CADPS: variants seen among roughly 807,000 people sequenced by gnomAD.
CADPS encodes calcium dependent secretion activator, also known as calcium-dependent secretion activator 1.
In CADPS, 57 loss-of-function variants were observed where a neutral mutation model predicts 167.3. That is an observed-to-expected ratio of 0.34 (90% CI 0.28 to 0.42). The LOEUF is 0.42. Among genes scored for constraint, CADPS ranks in the 20% least tolerant of loss-of-function variants. CADPS has a pLI of 1.00. For synonymous variants in CADPS, 676 were observed against 635.3 expected, an observed-to-expected ratio of 1.06 and a Z score of -0.96; for missense variants, 1,414 against 1,738.1, an observed-to-expected ratio of 0.81 and a Z score of 3.32.
At position 62,650,870 on chromosome 3, in the gene CADPS, C is replaced by T. The variant is rs759206961; in HGVS notation, c.1180G>A (p.Val394Ile). Reference protein sequence around the residue: ...ESENQLSKSDVVLSFSLEVVI... With the variant: ...ESENQLSKSDIVLSFSLEVVI... ...ACCTCCAATGAGAAAGACAGCACGA[C>T]ATCTGACTTGGAGAGCTGGTTCTCA... The change falls in exon 5 of 30, where the codon GTC (valine) becomes ATC (isoleucine). Residue 394 changes from valine (V) to isoleucine (I), a missense_variant. By Grantham distance (29) the Val-to-Ile change is conservative (BLOSUM62 3). Around this residue, in one of 6 missense-constraint regions of CADPS, gnomAD observed 522 missense variants for 559.5 expected, o/e 0.93. Coordinates refer to ENST00000383710, the MANE Select transcript of CADPS (RefSeq NM_003716.4). 6.2e-7 allele frequency: 1 copy of T among 1,613,972 alleles called. No individual in the cohort carries two copies. The highest frequency in any genetic ancestry group is 1.7e-5 in the Admixed American group (1 of 60,010).
intron 4 of CADPS, among the ~76,000 whole-genome samples, chr3:62,660,457 C>T (rs1159089204): frequency 2.6e-5 from 4 of 152,158 alleles, no homozygotes; most frequent in East Asian, 1.9e-4. Context: ...AATCCATAAG[C>T]GCATACTATT....
intron 3 of CADPS, among the ~76,000 whole-genome samples, chr3:62,667,378 G>A (rs189163345): frequency 6.6e-6 from 1 of 151,914 alleles, no homozygotes; most frequent in Admixed American, 6.6e-5. Context: ...CCTGTGTTCT[G>A]ATCCTTAGTT....
At chr3:62,645,653 G>A in intron 6 of CADPS, 69 bp downstream of exon 6, 1 of 1,548,582 alleles carries the variant, frequency 6.5e-7, no homozygotes, top group Non-Finnish European at 8.8e-7. Flanking sequence ...TCTTTACCTT[G>A]GAGTTGGCCA....
intron 1 of CADPS, among the ~76,000 whole-genome samples, chr3:62,807,137 A>G (rs2094141284): frequency 6.6e-6 from 1 of 152,214 alleles, no homozygotes; most frequent in African/African-American, 2.4e-5. Context: ...TTTCAATGCC[A>G]CAAATGTCTA....
intron 2 of CADPS, among the ~76,000 whole-genome samples, chr3:62,759,363 A>C (rs2084789383): frequency 1.3e-5 from 2 of 152,202 alleles, no homozygotes; most frequent in African/African-American, 4.8e-5. Flanking sequence ...TTATTTTTAA[A>C]TAGAATATCA....
At chr3:62,652,389 T>G (rs1367946839) in intron 4 of CADPS, among the ~76,000 whole-genome samples, 1 of 126,290 alleles carries the variant, frequency 7.9e-6, no homozygotes, top group African/African-American at 3.2e-5. Context: ...GTATGCCAAT[T>G]CTGTGTGGCC....
intron 1 of CADPS, among the ~76,000 whole-genome samples, chr3:62,775,354 G>A (rs517693): frequency 0.94 from 142,639 of 152,142 alleles, 66,897 homozygotes; most frequent in East Asian, 1. Context: ...CGCCTGGCCC[G>A]TAAGTGGTTT....
intron 1 of CADPS, among the ~76,000 whole-genome samples, chr3:62,789,575 A>C (rs2152724137): frequency 6.6e-6 from 1 of 152,332 alleles, no homozygotes; most frequent in African/African-American, 2.4e-5. Flanking sequence ...GCAAGGAAGA[A>C]GTTTTACCAA....
chr3:62,465,469 A>G lies in CADPS; in HGVS notation c.3553-19T>C. 6.5e-7 allele frequency: 1 copy of G among 1,544,918 alleles called. No homozygotes were observed. The highest frequency in any genetic ancestry group is 8.9e-7 in the Non-Finnish European group (1 of 1,125,768). On this transcript the variant is annotated intron_variant, in intron 25 of 29. Coordinates refer to ENST00000383710, the MANE Select transcript of CADPS (RefSeq NM_003716.4). This position sits in a 1 kb window ranked among gnomAD's most constrained non-coding sequence, Gnocchi z 4.1. ...TAACGAACTAGAAAAACAGCAAAAA[A>G]GAAAAAAATGTTATTTCAAACTATA...
At chr3:62,859,398 TC>T (rs2153168857) in intron 1 of CADPS, among the ~76,000 whole-genome samples, 1 of 152,294 alleles carries the variant, frequency 6.6e-6, no homozygotes, top group East Asian at 1.9e-4. Context: ...AGCATGGCCT[TC>T]CGACTCAAAT....
chr3:62,608,754 G>A (rs2061055541), intron 6 of CADPS, among the ~76,000 whole-genome samples: 2 of 152,132 alleles, frequency 1.3e-5, no homozygotes, highest in African/African-American at 2.4e-5. Context: ...CAGGCCAAAT[G>A]TCTTAATCCC....
At chr3:62,498,988 G>C (rs1173967532) in intron 18 of CADPS, among the ~76,000 whole-genome samples, 174 bp downstream of exon 18, 1 of 152,100 alleles carries the variant, frequency 6.6e-6, no homozygotes, top group African/African-American at 2.4e-5. Flanking sequence ...CTTTTTGGTT[G>C]GTTAAAATAA....
In CADPS at chr3:62,478,275, T is replaced by C; in HGVS notation, c.3315A>G (p.Glu1105=). 1.2e-6 allele frequency: 2 copies of C among 1,613,814 alleles called. No homozygotes were observed. Among genetic ancestry groups the C allele is most frequent in the Non-Finnish European group, 1.7e-6 (2 of 1,179,804 alleles). ...RLKLMASDMI[E]SCVKRTRIAF... Reference sequence around the variant, plus strand: ...CCTATACTTACCTTTTGACACAAGATTCGATCATGTCACTTGCCATCAACT... The same window carrying C: ...CCTATACTTACCTTTTGACACAAGACTCGATCATGTCACTTGCCATCAACT... The change falls in exon 23 of 30, where the codon GAA becomes GAG. Residue 1105 remains glutamate, a synonymous_variant. Transcript: ENST00000383710. This position sits in a 1 kb window ranked among gnomAD's most constrained non-coding sequence, Gnocchi z 5.7.
chr3:62,490,147 T>C (rs1033708703), intron 21 of CADPS, among the ~76,000 whole-genome samples: 24 of 152,110 alleles, frequency 1.6e-4, no homozygotes, highest in African/African-American at 5.6e-4. Flanking sequence ...TGCTTAAAAA[T>C]AGGCTGCAAG....
At chr3:62,864,101 C>G (rs573862061) in intron 1 of CADPS, among the ~76,000 whole-genome samples, 70 of 152,276 alleles carry the variant, frequency 4.6e-4, no homozygotes, top group African/African-American at 1.7e-3. Flanking sequence ...ATACAGCTGA[C>G]AACTTTTATA....
intron 1 of CADPS, among the ~76,000 whole-genome samples, chr3:62,782,761 CT>C (rs1191068833): frequency 0.24 from 32,972 of 138,636 alleles, 3,623 homozygotes; most frequent in Middle Eastern, 0.31. Context: ...GCATTTCTTT[CT>C]TTTTTTTTTT....
intron 1 of CADPS, among the ~76,000 whole-genome samples, chr3:62,869,949 C>T (rs1410696725): frequency 6.6e-6 from 1 of 152,156 alleles, no homozygotes; most frequent in African/African-American, 2.4e-5. Context: ...TGACTTTTAT[C>T]ATTTTACTCA....
intron 1 of CADPS, among the ~76,000 whole-genome samples, chr3:62,863,259 C>T (rs906235406): frequency 6.6e-5 from 10 of 151,994 alleles, no homozygotes; most frequent in African/African-American, 2.4e-4. Flanking sequence ...TGCCTTGGCC[C>T]CAACCCATGT....
chr3:62,554,137 T>G (rs1024604181), intron 10 of CADPS, among the ~76,000 whole-genome samples: 1 of 152,256 alleles, frequency 6.6e-6, no homozygotes, highest in Non-Finnish European at 1.5e-5. Flanking sequence ...TGGATTAATA[T>G]TCTTTTATTT....
Sources: gnomAD v4.1 joint callset for allele counts (sites outside exome capture counted in the v4.1 genomes callset) on GRCh38, gnomAD v4.1.1 for gene constraint, gnomAD v4.1.1 regional missense constraint, Gnocchi (gnomAD v3.1) non-coding constraint, MANE v1.5 for transcripts, NCBI Gene and HGNC (gene_info 2026-07-23, HGNC 2026-07-21) for gene names.